Variants in SSBP3 observed in about 807,000 individuals in gnomAD.
SSBP3 encodes the protein single-stranded DNA-binding protein 3.
SSBP3 carries 5 observed loss-of-function variants against 69.6 expected under a neutral mutation model. That is an observed-to-expected ratio of 0.07 (90% CI 0.04 to 0.15). SSBP3 has a LOEUF of 0.15. Among genes scored for constraint, SSBP3 ranks in the 10% least tolerant of loss-of-function variants. The pLI is 1.00. For synonymous variants in SSBP3, 196 were observed against 193.4 expected (o/e 1.01, Z -0.11); for missense variants, 312 against 534.0 (o/e 0.58, Z 4.10).
At chr1:54,316,640 T>C (rs1646104023) in intron 4 of SSBP3, among the ~76,000 whole-genome samples, 2 of 95,058 alleles carry the variant, frequency 2.1e-5, no homozygotes, top group African/African-American at 5.7e-5. Flanking sequence ...AGAGCGAGAC[T>C]CCGTCTCAAA....
intron 4 of SSBP3, among the ~76,000 whole-genome samples, chr1:54,391,992 T>C (rs930752358): frequency 6.6e-6 from 1 of 151,394 alleles, no homozygotes; most frequent in Admixed American, 6.6e-5. Context: ...GACTCCGCTA[T>C]TAAGAAGAGT....
chr1:54,375,591 G>C (rs912427002), intron 4 of SSBP3, among the ~76,000 whole-genome samples: 3 of 152,180 alleles, frequency 2.0e-5, no homozygotes, highest in African/African-American at 7.2e-5. Context: ...TGTGGGCCCA[G>C]GAGACAGGAT....
intron 4 of SSBP3, among the ~76,000 whole-genome samples, chr1:54,314,409 A>T (rs1207392788): frequency 6.6e-6 from 1 of 152,252 alleles, no homozygotes; most frequent in South Asian, 2.1e-4. Flanking sequence ...AGAAGGGCAC[A>T]GCAACCCTTT....
At chr1:54,295,299 C>T (rs1157929361) in intron 4 of SSBP3, among the ~76,000 whole-genome samples, 2 of 152,218 alleles carry the variant, frequency 1.3e-5, no homozygotes, top group South Asian at 2.1e-4. Flanking sequence ...TCCCTCACCA[C>T]TCCCTCCATC....
chr1:54,363,696 A>C (rs1361859011), intron 4 of SSBP3, among the ~76,000 whole-genome samples: 2 of 152,168 alleles, frequency 1.3e-5, no homozygotes, highest in East Asian at 3.9e-4. Flanking sequence ...CAAAACAAAA[A>C]ACCAAATTTT....
chr1:54,360,942 C>G (rs937699682), intron 4 of SSBP3, among the ~76,000 whole-genome samples: 2 of 150,406 alleles, frequency 1.3e-5, no homozygotes, highest in Non-Finnish European at 3.0e-5. Context: ...AAAAATCTGC[C>G]AGATGTGGCA....
At chr1:54,300,461 C>T (rs1049342617) in intron 4 of SSBP3, among the ~76,000 whole-genome samples, 4 of 152,108 alleles carry the variant, frequency 2.6e-5, no homozygotes, top group African/African-American at 7.2e-5. Context: ...ACCTGGCACA[C>T]GGAGACACTC....
At chr1:54,298,930 AACAC>A (rs10525954) in intron 4 of SSBP3, among the ~76,000 whole-genome samples, 6,986 of 137,250 alleles carry the variant, frequency 0.051, 434 homozygotes, top group Admixed American at 0.19. Context: ...ACAAAAACAA[AACAC>A]ACACACACAC....
chr1:54,333,037 G>A (rs997576481), intron 4 of SSBP3, among the ~76,000 whole-genome samples: 3 of 152,212 alleles, frequency 2.0e-5, no homozygotes, highest in African/African-American at 7.2e-5. Context: ...ATAGGGCCAG[G>A]CTGGACCTGG....
intron 9 of SSBP3, among the ~76,000 whole-genome samples, chr1:54,245,489 A>C (rs1317101793): frequency 2.0e-5 from 3 of 152,216 alleles, no homozygotes; most frequent in African/African-American, 7.2e-5. Context: ...TATTGGGCTG[A>C]TAGTGGGTTC....
At chr1:54,240,099 CGTGTGCGT>C (rs1304620768) in intron 13 of SSBP3, among the ~76,000 whole-genome samples, 7,361 of 105,298 alleles carry the variant, frequency 0.07, 349 homozygotes, top group Non-Finnish European at 0.086. Flanking sequence ...CGCGCGCGCG[CGTGTGCGT>C]GCGCGCGCGC....
chr1:54,355,559 G>A (rs1337160582), intron 4 of SSBP3, among the ~76,000 whole-genome samples: 1 of 152,116 alleles, frequency 6.6e-6, no homozygotes, highest in Non-Finnish European at 1.5e-5. Context: ...ATGTTGGCCA[G>A]GCTGGTCTGG....
intron 4 of SSBP3, among the ~76,000 whole-genome samples, chr1:54,379,005 T>C (rs1176085882): frequency 6.6e-6 from 1 of 150,884 alleles, no homozygotes; most frequent in African/African-American, 2.4e-5. Context: ...CTGGCTCTCC[T>C]GGCCCCGCCA....
intron 4 of SSBP3, among the ~76,000 whole-genome samples, chr1:54,326,000 C>T (rs920933056): frequency 7.1e-6 from 1 of 140,140 alleles, no homozygotes; most frequent in African/African-American, 2.6e-5. Flanking sequence ...CATGTGATGG[C>T]TTAGTGAGCA....
chr1:54,306,056 C>T (rs2100226865), intron 4 of SSBP3, among the ~76,000 whole-genome samples: 1 of 151,980 alleles, frequency 6.6e-6, no homozygotes, highest in Non-Finnish European at 1.5e-5. Context: ...AAGGTTCTCC[C>T]TCTCCCATCC....
At chr1:54,333,383 A>C (rs1474299741) in intron 4 of SSBP3, among the ~76,000 whole-genome samples, 1 of 152,148 alleles carries the variant, frequency 6.6e-6, no homozygotes, top group African/African-American at 2.4e-5. Context: ...CCCTGGATCC[A>C]AACAGGACAG....
intron 4 of SSBP3, among the ~76,000 whole-genome samples, chr1:54,388,016 T>C (rs1204976833): frequency 6.6e-6 from 1 of 152,248 alleles, no homozygotes; most frequent in Non-Finnish European, 1.5e-5. Flanking sequence ...CACTTAAATG[T>C]TGTGAAGAAA....
intron 4 of SSBP3, among the ~76,000 whole-genome samples, chr1:54,296,621 C>T (rs1467162594): frequency 6.6e-6 from 1 of 152,236 alleles, no homozygotes; most frequent in Non-Finnish European, 1.5e-5. Context: ...TGTGCCTTGG[C>T]TGTGTCATCT....
chr1:54,305,236 A>T (rs6695534), intron 4 of SSBP3, among the ~76,000 whole-genome samples: 1 of 151,996 alleles, frequency 6.6e-6, no homozygotes, highest in South Asian at 2.1e-4. Context: ...AAAGACATTC[A>T]GTAGCTGTGA....
Sources: gnomAD v4.1 joint callset for allele counts (sites outside exome capture counted in the v4.1 genomes callset) on GRCh38, gnomAD v4.1.1 for gene constraint, MANE v1.5 for transcripts, NCBI Gene and HGNC (gene_info 2026-07-23, HGNC 2026-07-21) for gene names.